BNIP3: variants seen among roughly 807,000 people sequenced by gnomAD.
BNIP3 encodes BCL2/adenovirus E1B 19 kDa protein-interacting protein 3.
In BNIP3, 16 loss-of-function variants were observed where a neutral mutation model predicts 23.9. The observed-to-expected ratio is 0.67, with a 90% CI of 0.45 to 1.01. The LOEUF (loss-of-function observed/expected upper bound fraction) is 1.01, where lower values mean the gene tolerates loss of function less well. Among genes scored for constraint, BNIP3 ranks in the 50% least tolerant of loss-of-function variants. The probability of loss-of-function intolerance (pLI) is 0.00; values close to 1 mark genes in which losing one functional copy is unlikely to be tolerated. For synonymous variants in BNIP3, 81 were observed against 89.3 expected (o/e 0.91, Z 0.53); for missense variants, 198 against 248.7 (o/e 0.80, Z 1.37).
At chr10:131,980,312 CAA>C in intron 1 of BNIP3, 1 of 152,052 alleles carries the variant, frequency 6.6e-6, no homozygotes, top group Non-Finnish European at 1.5e-5. Context: ...GATTTTATGG[CAA>C]AGAGTTTATA....
rs2037016629 is a variant in BNIP3 at position 131,970,300 on chromosome 10, C to T, written c.539+338G>A. 3.4e-6 allele frequency: 1 copy of T among 291,580 alleles called. No homozygotes were observed. Among genetic ancestry groups the T allele is most frequent in the South Asian group, 5.5e-5 (1 of 18,072 alleles). 18.1% of individuals were successfully genotyped at this position (291,580 alleles called of 1,614,324 possible). A position where few individuals can be genotyped will look rare whatever the true frequency, so the allele number is the denominator to read the frequency against. Reference sequence around the variant, plus strand: ...CCTACAGCAGAGCTGGGTGCATTCCCGCCACAGTACTACACAGAAATGAGA... The same window carrying T: ...CCTACAGCAGAGCTGGGTGCATTCCTGCCACAGTACTACACAGAAATGAGA... On this transcript the variant is annotated intron_variant, in intron 5 of 5. Coordinates refer to ENST00000368636, the MANE Select transcript of BNIP3 (RefSeq NM_004052.4). The surrounding 1 kb of genome is among the most constrained non-coding windows in gnomAD (Gnocchi z 4.1).
Position 131,973,125 on chromosome 10 carries a change from G to C in BNIP3, c.198-7C>G. 6.2e-7 allele frequency: 1 copy of C among 1,612,672 alleles called. No homozygotes were observed. The highest frequency in any genetic ancestry group is 1.1e-5 in the South Asian group (1 of 91,054). On this transcript the variant is annotated splice_region_variant and splice_polypyrimidine_tract_variant and intron_variant, in intron 2 of 5. Coordinates refer to ENST00000368636, the MANE Select transcript of BNIP3 (RefSeq NM_004052.4). Reference sequence around the variant, plus strand: ...TGTCTGCGAGCGAGGTGGGCTTGGCGATGTGAATAGAATGGGAAAAACAGA... The same window carrying C: ...TGTCTGCGAGCGAGGTGGGCTTGGCCATGTGAATAGAATGGGAAAAACAGA...
At chr10:131,974,684 T>C (rs1220170391) in intron 1 of BNIP3, among the ~76,000 whole-genome samples, 1 of 152,256 alleles carries the variant, frequency 6.6e-6, no homozygotes, top group African/African-American at 2.4e-5. Context: ...CCAGCCTCTA[T>C]GACTTGCATC....
intron 1 of BNIP3, 108 bp downstream of exon 1, chr10:131,981,653 G>A (rs1353153148): frequency 1.6e-6 from 2 of 1,274,394 alleles, no homozygotes; most frequent in Non-Finnish European, 1.0e-6. Flanking sequence ...CGCCCGGCCC[G>A]CGATGCCCCC....
intron 1 of BNIP3, among the ~76,000 whole-genome samples, chr10:131,974,687 C>T (rs1564835513): frequency 6.6e-6 from 1 of 152,236 alleles, no homozygotes; most frequent in Non-Finnish European, 1.5e-5. Flanking sequence ...GCCTCTATGA[C>T]TTGCATCGTG....
intron 2 of BNIP3, chr10:131,973,434 C>CT (rs2037056783): frequency 4.3e-6 from 2 of 462,834 alleles, no homozygotes; most frequent in Non-Finnish European, 7.9e-6. Context: ...CCTTTGACCA[C>CT]TGTCGGCCAC....
chr10:131,973,643 G>T, intron 2 of BNIP3, 150 bp downstream of exon 2: 1 of 1,046,716 alleles, frequency 9.6e-7, no homozygotes, highest in Non-Finnish European at 1.4e-6. Context: ...TCCTATATAA[G>T]GACGGACTGC....
intron 5 of BNIP3, chr10:131,969,774 C>T (rs985865556): frequency 2.0e-5 from 3 of 149,240 alleles, no homozygotes; most frequent in African/African-American, 7.8e-5. Context: ...GGGACCAGCC[C>T]GAGGAGGAGC....
chr10:131,972,814 C>T (rs577630644), intron 3 of BNIP3, among the ~76,000 whole-genome samples: 3 of 152,300 alleles, frequency 2.0e-5, no homozygotes, highest in Admixed American at 6.5e-5. Context: ...CTGTCCCACT[C>T]GGCGCCTCCC....
chr10:131,977,277 A>G (rs1426178762), intron 1 of BNIP3, among the ~76,000 whole-genome samples: 1 of 150,666 alleles, frequency 6.6e-6, no homozygotes, highest in Non-Finnish European at 1.5e-5. Flanking sequence ...GTCTCAAACA[A>G]AAAAAAAAGA....
At position 131,976,067 on chromosome 10, in the gene BNIP3, C is replaced by T. The variant is rs1230280243; in HGVS notation, c.47-2124G>A. 7.2e-5 allele frequency among the ~76,000 whole-genome samples: 11 copies of T among 152,218 alleles called. No individual in the cohort carries two copies. The highest frequency in any genetic ancestry group is 2.6e-4 in the Admixed American group (4 of 15,284). On this transcript the variant is annotated intron_variant, in intron 1 of 5. Transcript: ENST00000368636. The surrounding 1 kb of genome is among the most constrained non-coding windows in gnomAD (Gnocchi z 4.3). ...TTCACTAGCCCTCCTTCCCTCTCTG[C>T]GGTTCAAGATGCCATGCGGCCGGCT...
chr10:131,970,510 G>A lies in BNIP3; in HGVS notation c.539+128C>T. 5.2e-6 allele frequency: 7 copies of A among 1,334,494 alleles called. No individual in the cohort carries two copies. The highest frequency in any genetic ancestry group is 7.1e-6 in the Non-Finnish European group (7 of 990,048). The allele number at this position is 1,334,494 out of a possible 1,614,324, so 82.7% of individuals were successfully genotyped here. Reference sequence around the variant, plus strand: ...GGACCTGAACAGTGACTACGTGGGTGTTTGTGAAAATGCACCAAGCTGTAA... The same window carrying A: ...GGACCTGAACAGTGACTACGTGGGTATTTGTGAAAATGCACCAAGCTGTAA... On this transcript the variant is annotated intron_variant, in intron 5 of 5. Transcript: ENST00000368636. The surrounding 1 kb of genome is among the most constrained non-coding windows in gnomAD (Gnocchi z 4.1).
At chr10:131,979,597 G>A (rs973581251) in intron 1 of BNIP3, among the ~76,000 whole-genome samples, 2 of 152,166 alleles carry the variant, frequency 1.3e-5, no homozygotes, top group Non-Finnish European at 2.9e-5. Context: ...GGAGAAAAGG[G>A]CCAAGTTCAT....
chr10:131,976,150 T>C lies in BNIP3; in HGVS notation c.47-2207A>G, dbSNP rs1176278805. 2.6e-5 allele frequency among the ~76,000 whole-genome samples: 4 copies of C among 152,232 alleles called. No individual in the cohort carries two copies. The highest frequency in any genetic ancestry group is 9.6e-5 in the African/African-American group (4 of 41,458). ...CAGCCTCTGTTTTGGCCAGCTGTCT[T>C]TCTCCGCTGAATCTACAGTATTCAG... On this transcript the variant is annotated intron_variant, in intron 1 of 5. Coordinates refer to ENST00000368636, the MANE Select transcript of BNIP3 (RefSeq NM_004052.4). The surrounding 1 kb of genome is among the most constrained non-coding windows in gnomAD (Gnocchi z 4.3).
Position 131,968,689 on chromosome 10 carries a change from CCCAT to C in BNIP3, c.540-124_540-121del, listed in dbSNP as rs2036993181. ...ATGCAAGGGGACTGGTGATTTTATACCCATTATAAAAATTTTGTAATGAATCTAT... is the reference window on the plus strand; with the variant it reads ...ATGCAAGGGGACTGGTGATTTTATACTATAAAAATTTTGTAATGAATCTAT... On this transcript the variant is annotated intron_variant, in intron 5 of 5. Coordinates refer to ENST00000368636, the MANE Select transcript of BNIP3 (RefSeq NM_004052.4). 4 of 753,110 alleles carry C rather than the reference CCCAT, an allele frequency of 5.3e-6. No individual in the cohort carries two copies. The East Asian group carries it at 1.1e-4, about 20-fold the overall frequency. 46.7% of individuals were successfully genotyped at this position (753,110 alleles called of 1,614,324 possible). A position where few individuals can be genotyped will look rare whatever the true frequency, so the allele number is the denominator to read the frequency against.
chr10:131,970,841 C>G lies in BNIP3; in HGVS notation c.389+23G>C. The G allele has an allele frequency of 6.2e-7, 1 of 1,614,226 alleles. No homozygotes were observed. Among genetic ancestry groups the G allele is most frequent in the South Asian group, 1.1e-5 (1 of 91,082 alleles). On this transcript the variant is annotated intron_variant, in intron 4 of 5. Coordinates refer to ENST00000368636, the MANE Select transcript of BNIP3 (RefSeq NM_004052.4). This position sits in a 1 kb window ranked among gnomAD's most constrained non-coding sequence, Gnocchi z 4.1. Reference sequence around the variant, plus strand: ...TGTGTCCTCTGTCAAGGGGTGCCCCCGTGACACTGAGAACACACTCACTTG... The same window carrying G: ...TGTGTCCTCTGTCAAGGGGTGCCCCGGTGACACTGAGAACACACTCACTTG...
At position 131,970,408 on chromosome 10, in the gene BNIP3, C is replaced by T; in HGVS notation, c.539+230G>A. 1 of 599,660 alleles carries T rather than the reference C, an allele frequency of 1.7e-6. No homozygotes were observed. The highest frequency in any genetic ancestry group is 2.9e-6 in the Non-Finnish European group (1 of 345,800). 37.1% of individuals were successfully genotyped at this position (599,660 alleles called of 1,614,324 possible). On this transcript the variant is annotated intron_variant, in intron 5 of 5. Coordinates refer to ENST00000368636, the MANE Select transcript of BNIP3 (RefSeq NM_004052.4). This position sits in a 1 kb window ranked among gnomAD's most constrained non-coding sequence, Gnocchi z 4.1. ...CCGTTTATATTCAGTGAGCAACAGGCAGACTCGTCAGGCCAGACAGCAGCA... is the reference window on the plus strand; with the variant it reads ...CCGTTTATATTCAGTGAGCAACAGGTAGACTCGTCAGGCCAGACAGCAGCA...
intron 3 of BNIP3, chr10:131,971,323 A>G (rs2037031048): frequency 6.8e-6 from 2 of 293,538 alleles, no homozygotes; most frequent in South Asian, 4.0e-5. Context: ...TGACGGCAGC[A>G]CTGGTTATAA....
rs1278153577 is a variant in BNIP3, at chr10:131,968,488, A to G, written c.*36T>C. 2.0e-6 allele frequency: 3 copies of G among 1,529,038 alleles called. No individual in the cohort carries two copies. The highest frequency in any genetic ancestry group is 2.7e-6 in the Non-Finnish European group (3 of 1,104,010). The allele number at this position is 1,529,038 out of a possible 1,614,324, so 94.7% of individuals were successfully genotyped here. ...GAGCTATGTTGCAAGCTCAGAAGTA[A>G]TCCACTAACGAACCAAGTCAGACTC... On this transcript the variant is annotated 3_prime_UTR_variant, in exon 6 of 6. Coordinates refer to ENST00000368636, the MANE Select transcript of BNIP3 (RefSeq NM_004052.4).
Sources: allele counts gnomAD v4.1 joint callset (sites outside exome capture counted in the v4.1 genomes callset), GRCh38; gene constraint gnomAD v4.1.1; non-coding constraint Gnocchi (gnomAD v3.1); transcripts MANE v1.5; gene names NCBI Gene and HGNC (gene_info 2026-07-23, HGNC 2026-07-21).